ZNF177: variants seen among roughly 807,000 people sequenced by gnomAD.
ZNF177 encodes zinc finger protein 177.
A neutral mutation model predicts 19.4 loss-of-function variants in ZNF177; 17 were observed. The observed-to-expected ratio is 0.87, with a 90% confidence interval of 0.60 to 1.31. The LOEUF is 1.31. ZNF177 is among the 40% of genes most tolerant of loss of function. The pLI, the probability that ZNF177 is intolerant of heterozygous loss-of-function variation, is 0.00. For missense variants in ZNF177, 633 were observed against 561.8 expected (o/e 1.13, Z -1.28); for synonymous variants, 220 against 188.7 (o/e 1.17, Z -1.36).
chr19:9,379,176 A>G (rs1278932453), intron 3 of ZNF177, 88 bp downstream of exon 5: 1 of 1,472,868 alleles, frequency 6.8e-7, no homozygotes, highest in East Asian at 2.4e-5. Context: ...AAAGAATAGC[A>G]ATACAGTGGT....
chr19:9,365,352 G>A (rs1162116508), intron 2 of ZNF177, among the ~76,000 whole-genome samples: 2 of 151,814 alleles, frequency 1.3e-5, no homozygotes, highest in African/African-American at 2.4e-5. Context: ...GAGAGAAGGG[G>A]TGGGGGCTTC....
exon 6 of ZNF177, chr19:9,381,225 C>T: frequency 6.2e-7 from 1 of 1,614,098 alleles, no homozygotes; most frequent in Non-Finnish European, 8.5e-7. Flanking sequence ...TTCAGTCTTC[C>T]CTTAAGAAAC....
chr19:9,364,778 A>G (rs1202062860), intron 1 of ZNF177, 84 bp from the exon 2 acceptor site: 1 of 152,170 alleles, frequency 6.6e-6, no homozygotes, highest in Non-Finnish European at 1.5e-5. Context: ...TGATGAGGTA[A>G]TTGCGTCGAG....
intron 2 of ZNF177, among the ~76,000 whole-genome samples, chr19:9,366,450 A>G (rs2067981154): frequency 6.6e-6 from 1 of 151,742 alleles, no homozygotes; most frequent in African/African-American, 2.4e-5. Flanking sequence ...TAGAGATGAG[A>G]TCTCACTGTG....
intron 2 of ZNF177, among the ~76,000 whole-genome samples, 156 bp downstream of exon 2, chr19:9,365,104 G>A (rs529864902): frequency 4.6e-5 from 7 of 152,172 alleles, no homozygotes; most frequent in Admixed American, 2.6e-4. Flanking sequence ...ACATCGAGAA[G>A]GTGAAAGTTT....
At chr19:9,369,372 A>C (rs1568380972) in intron 2 of ZNF177, among the ~76,000 whole-genome samples, 1 of 152,128 alleles carries the variant, frequency 6.6e-6, no homozygotes, top group African/African-American at 2.4e-5. Flanking sequence ...CATTACCTCT[A>C]ATAGTGCCTT....
chr19:9,379,130 A>G, intron 3 of ZNF177, 42 bp downstream of exon 5: 1 of 1,565,676 alleles, frequency 6.4e-7, no homozygotes, highest in South Asian at 1.2e-5. Flanking sequence ...TGTAGCAAAT[A>G]GTTCTTAAGC....
At chr19:9,377,825 A>C (rs1329035081) in intron 1 of ZNF177, among the ~76,000 whole-genome samples, 1 of 151,978 alleles carries the variant, frequency 6.6e-6, no homozygotes, top group African/African-American at 2.4e-5. Context: ...CGGGATATTA[A>C]CTCAGCCCAA....
chr19:9,368,501 T>A (rs1327061524), intron 2 of ZNF177, among the ~76,000 whole-genome samples: 1 of 152,208 alleles, frequency 6.6e-6, no homozygotes, highest in African/African-American at 2.4e-5. Context: ...TTTTTCCTAG[T>A]AGTTTTCAAA....
chr19:9,371,570 T>C (rs1378881060), upstream of ZNF177: 1 of 152,228 alleles, frequency 6.6e-6, no homozygotes, highest in East Asian at 1.9e-4. Context: ...CCATTGTTGC[T>C]GTTGAGATGT....
At chr19:9,365,678 TC>T (rs1263904108) in intron 2 of ZNF177, among the ~76,000 whole-genome samples, 8 of 152,008 alleles carry the variant, frequency 5.3e-5, no homozygotes, top group Non-Finnish European at 1.2e-4. Context: ...AAGACTGTCT[TC>T]CCGAGTCCAT....
intron 2 of ZNF177, among the ~76,000 whole-genome samples, chr19:9,370,234 A>G (rs529090021): frequency 1.1e-4 from 17 of 152,308 alleles, no homozygotes; most frequent in African/African-American, 3.8e-4. Context: ...CAGGACCCCC[A>G]CATGGCTTCC....
At chr19:9,374,663 T>A (rs918386070), upstream of ZNF177, among the ~76,000 whole-genome samples, 1 of 151,764 alleles carries the variant, frequency 6.6e-6, no homozygotes, top group African/African-American at 2.4e-5. Context: ...TAGTTTTTTT[T>A]AGATAGTTTG....
chr19:9,373,785 AT>A (rs1398287092), upstream of ZNF177, among the ~76,000 whole-genome samples: 5 of 151,430 alleles, frequency 3.3e-5, 1 homozygote, highest in Admixed American at 3.3e-4. Flanking sequence ...TTTTTATTCC[AT>A]TTTTTTCTAT....
At chr19:9,379,153 C>A in intron 3 of ZNF177, 65 bp downstream of exon 5, 1 of 1,514,498 alleles carries the variant, frequency 6.6e-7, no homozygotes, top group South Asian at 1.3e-5. Context: ...ATATTATGTT[C>A]CAGAATCTGT....
At chr19:9,380,265 T>G (rs762317077) in intron 5 of ZNF177, 126 bp downstream of exon 7, 59 of 1,203,684 alleles carry the variant, frequency 4.9e-5, no homozygotes, top group Non-Finnish European at 6.4e-5. Flanking sequence ...GAAAGCTGTC[T>G]CGGGAGAGTT....
rs2068190297 is a variant in ZNF177, at chr19:9,381,010, AC to A, written c.680del (p.Thr227MetfsTer77). Reference sequence around the variant, plus strand: ...CTGCTCAGTACGTGAGCAAATACCTACTGGAGAGAAAGGTGATGAATGCAGT... The same window carrying A: ...CTGCTCAGTACGTGAGCAAATACCTATGGAGAGAAAGGTGATGAATGCAGT... On this transcript the variant is annotated frameshift_variant, in exon 6 of 6. Coordinates refer to ENST00000589262, the Ensembl canonical transcript of ZNF177. LOFTEE classifies it low-confidence loss of function (END_TRUNC). 1.3e-6 allele frequency: 2 copies of A among 1,582,002 alleles called. No individual in the cohort carries two copies. The highest frequency in any genetic ancestry group is 2.7e-5 in the African/African-American group (2 of 74,412).
chr19:9,381,976 C>T (rs2068210497), exon 6 of ZNF177: 3 of 751,754 alleles, frequency 4.0e-6, no homozygotes, highest in Admixed American at 3.4e-5. Flanking sequence ...ATATGTGTCA[C>T]AACTGTAGAT....
At chr19:9,379,770 T>G in intron 4 of ZNF177, 151 bp downstream of exon 6, 1 of 987,482 alleles carries the variant, frequency 1.0e-6, no homozygotes, top group Non-Finnish European at 1.4e-6. Flanking sequence ...GTTCATTTGG[T>G]CTCCGAGAAA....
Sources: gnomAD v4.1 joint callset for allele counts (sites outside exome capture counted in the v4.1 genomes callset) on GRCh38, gnomAD v4.1.1 for gene constraint, MANE v1.5 for transcripts, NCBI Gene and HGNC (gene_info 2026-07-23, HGNC 2026-07-21) for gene names.